PBX1: variants seen among roughly 807,000 people sequenced by gnomAD.
PBX1 encodes the protein PBX homeobox 1.
PBX1 carries 6 observed loss-of-function variants against 53.4 expected under a neutral mutation model. The ratio of observed to expected loss-of-function variants is 0.11; its 90% CI spans 0.06 to 0.22. The LOEUF is 0.22. Ranked by LOEUF, PBX1 falls within the 10% of genes least tolerant of loss-of-function variation. The pLI is 1.00. For missense variants in PBX1, 251 were observed against 551.4 expected (o/e 0.46, Z 5.46); for synonymous variants, 204 against 212.3 (o/e 0.96, Z 0.34).
chr1:164,649,242 G>T (rs967291306), intron 2 of PBX1, among the ~76,000 whole-genome samples: 1 of 152,044 alleles, frequency 6.6e-6, no homozygotes, highest in Admixed American at 6.6e-5. Context: ...ATATTTTCTA[G>T]CTTAAAACAA....
At chr1:164,743,985 A>G (rs1477614225) in intron 2 of PBX1, among the ~76,000 whole-genome samples, 2 of 152,172 alleles carry the variant, frequency 1.3e-5, no homozygotes, top group Non-Finnish European at 2.9e-5. Context: ...CCAAGGAGGA[A>G]AGGTAGAATG....
chr1:164,776,942 G>GGAGAGAGAGAGAGA lies in PBX1; in HGVS notation c.266-15528_266-15515dup, dbSNP rs377054240. Among the ~76,000 whole-genome samples, 6 of 43,566 alleles carry GGAGAGAGAGAGAGA rather than the reference G, an allele frequency of 1.4e-4. No homozygotes were observed. In the East Asian group the frequency reaches 2.2e-3, roughly 16 times the overall value. 28.6% of individuals were successfully genotyped at this position (43,566 alleles called of 152,430 possible). A position where few individuals can be genotyped will look rare whatever the true frequency, so the allele number is the denominator to read the frequency against. ...GTGTGTGTGTGTGTGTGTGGTGGGA[G>GGAGAGAGAGAGAGA]GAGAGAGAGAGAGAGAGAGAGAGAG... On this transcript the variant is annotated intron_variant, in intron 2 of 8. Coordinates refer to ENST00000420696, the MANE Select transcript of PBX1 (RefSeq NM_002585.4).
At chr1:164,832,585 G>A (rs1031809944) in intron 8 of PBX1, among the ~76,000 whole-genome samples, 1 of 152,040 alleles carries the variant, frequency 6.6e-6, no homozygotes, top group African/African-American at 2.4e-5. Flanking sequence ...GATTTTTAAA[G>A]TAAGTTAAAA....
intron 2 of PBX1, among the ~76,000 whole-genome samples, chr1:164,599,454 G>A (rs1426947692): frequency 6.6e-6 from 1 of 151,992 alleles, no homozygotes; most frequent in Non-Finnish European, 1.5e-5. Flanking sequence ...ATTCCCATGT[G>A]AACATTTTGC....
At chr1:164,644,491 A>G (rs1659333063) in intron 2 of PBX1, among the ~76,000 whole-genome samples, 2 of 152,020 alleles carry the variant, frequency 1.3e-5, no homozygotes, top group African/African-American at 4.8e-5. Flanking sequence ...CAAAATGCAG[A>G]CCCTGAGCTA....
Position 164,559,879 on chromosome 1 carries a change from C to T in PBX1, c.57C>T (p.His19=), listed in dbSNP as rs763090532. ...ATGCTGGGGTCGGGATGGCCGGACA[C>T]CCCGGCCTGTCCCAGCACTTGCAGG... ...HSHAGVGMAG[H]PGLSQHLQDG... Residue 19 remains histidine, a synonymous_variant, in exon 1 of 9, where the codon CAC becomes CAT. Transcript: ENST00000420696. 5.2e-6 allele frequency: 8 copies of T among 1,550,790 alleles called. No individual in the cohort carries two copies. The highest frequency in any genetic ancestry group is 7.0e-6 in the Non-Finnish European group (8 of 1,146,790).
chr1:164,836,402 C>G (rs936890842), intron 8 of PBX1, among the ~76,000 whole-genome samples: 1 of 152,138 alleles, frequency 6.6e-6, no homozygotes, highest in African/African-American at 2.4e-5. Flanking sequence ...TTCAAAAAAT[C>G]AAACCCCCTT....
chr1:164,581,169 C>T (rs1387924567), intron 2 of PBX1, among the ~76,000 whole-genome samples: 1 of 151,906 alleles, frequency 6.6e-6, no homozygotes, highest in Non-Finnish European at 1.5e-5. Flanking sequence ...AAAGTCTCAT[C>T]TGTCCAGTTA....
At chr1:164,819,825 T>C (rs762061294) in intron 6 of PBX1, 2 of 386,642 alleles carry the variant, frequency 5.2e-6, no homozygotes, top group Non-Finnish European at 9.2e-6. Flanking sequence ...GGCTTGAAGT[T>C]GCCAAGGGGA....
chr1:164,717,044 TGA>T (rs974234585), intron 2 of PBX1, among the ~76,000 whole-genome samples: 33 of 152,260 alleles, frequency 2.2e-4, no homozygotes, highest in African/African-American at 7.9e-4. Context: ...ACATTATATT[TGA>T]GAAGAACCAA....
At chr1:164,777,428 AC>A (rs1449103149) in intron 2 of PBX1, among the ~76,000 whole-genome samples, 2 of 152,172 alleles carry the variant, frequency 1.3e-5, no homozygotes, top group Non-Finnish European at 2.9e-5. Flanking sequence ...GCCTCAAACA[AC>A]AACAACAAAA....
At chr1:164,820,376 G>C (rs1305041034) in intron 7 of PBX1, among the ~76,000 whole-genome samples, 192 bp downstream of exon 7, 2 of 152,112 alleles carry the variant, frequency 1.3e-5, no homozygotes, top group Admixed American at 1.3e-4. Context: ...GAATGCATTT[G>C]GCTCTGGCTT....
intron 2 of PBX1, among the ~76,000 whole-genome samples, chr1:164,857,451 A>G (rs1472219791): frequency 6.6e-6 from 1 of 152,130 alleles, no homozygotes; most frequent in Non-Finnish European, 1.5e-5. Context: ...TTGTTTAGGG[A>G]TCTCATGTAG....
chr1:164,855,273 G>A (rs1038652377), downstream of PBX1, among the ~76,000 whole-genome samples: 4 of 152,040 alleles, frequency 2.6e-5, no homozygotes, highest in Admixed American at 2.6e-4. Flanking sequence ...AAATTCAAAG[G>A]AATATTAGTC....
At chr1:164,829,577 G>A (rs987446694) in intron 8 of PBX1, 3 of 152,194 alleles carry the variant, frequency 2.0e-5, no homozygotes, top group South Asian at 2.1e-4. Flanking sequence ...ACTAAACAAA[G>A]AAAACACATG....
At chr1:164,776,700 G>A (rs970986239) in intron 2 of PBX1, among the ~76,000 whole-genome samples, 2 of 152,142 alleles carry the variant, frequency 1.3e-5, no homozygotes, top group South Asian at 2.1e-4. Flanking sequence ...AAACACAGAA[G>A]TGCAAAGTTT....
chr1:164,684,982 C>T (rs550145298), intron 2 of PBX1: 1 of 152,166 alleles, frequency 6.6e-6, no homozygotes, highest in Non-Finnish European at 1.5e-5. Flanking sequence ...AGATATGTTA[C>T]CTCACGTAAT....
chr1:164,716,870 A>G (rs1264532143), intron 2 of PBX1, among the ~76,000 whole-genome samples: 1 of 152,244 alleles, frequency 6.6e-6, no homozygotes. Context: ...ACAGTTCAAC[A>G]TGGAACATAA....
intron 8 of PBX1, among the ~76,000 whole-genome samples, chr1:164,837,949 T>C (rs1276657676): frequency 1.3e-5 from 2 of 152,172 alleles, no homozygotes; most frequent in African/African-American, 4.8e-5. Flanking sequence ...TATATGGCAT[T>C]ATTAATCCTG....
Sources: gnomAD v4.1 joint callset for allele counts (sites outside exome capture counted in the v4.1 genomes callset) on GRCh38, gnomAD v4.1.1 for gene constraint, MANE v1.5 for transcripts, NCBI Gene and HGNC (gene_info 2026-07-23, HGNC 2026-07-21) for gene names.